PIP5K1C: variants seen among roughly 807,000 people sequenced by gnomAD.
PIP5K1C encodes the protein phosphatidylinositol-4-phosphate 5-kinase type 1 gamma, also known as phosphatidylinositol 4-phosphate 5-kinase type-1 gamma.
PIP5K1C carries 45 observed loss-of-function variants against 80.1 expected under a neutral mutation model. The observed-to-expected ratio is 0.56, with a 90% CI of 0.44 to 0.72. PIP5K1C has a LOEUF of 0.72. PIP5K1C is among the 30% of genes least tolerant of loss of function. The probability of loss-of-function intolerance (pLI) is 0.00; values close to 1 mark genes in which losing one functional copy is unlikely to be tolerated. For synonymous variants in PIP5K1C, 498 were observed against 420.1 expected (o/e 1.19, Z -2.27); for missense variants, 753 against 954.6 (o/e 0.79, Z 2.78).
rs1344356879 is a variant in PIP5K1C at position 3,692,817 on chromosome 19, C to T, written c.94+7480G>A. 1.3e-5 allele frequency among the ~76,000 whole-genome samples: 2 copies of T among 152,072 alleles called. No individual in the cohort carries two copies. Among genetic ancestry groups the T allele is most frequent in the South Asian group, 2.1e-4 (1 of 4,828 alleles). ...CCACAAGGCCCTGCACACCCTGCCC[C>T]GTCCCCTCCCTGCCCTCCCCTCCTC... On this transcript the variant is annotated intron_variant, in intron 1 of 17. Transcript: ENST00000335312. This position sits in a 1 kb window ranked among gnomAD's most constrained non-coding sequence, Gnocchi z 5.2.
rs528568201 is a variant in PIP5K1C at position 3,682,769 on chromosome 19, G to A, written c.95-15416C>T. Among the ~76,000 whole-genome samples, 829 of 152,278 alleles carry A rather than the reference G, an allele frequency of 5.4e-3. 12 individuals are homozygous for A. Among genetic ancestry groups the A allele is most frequent in the African/African-American group, 0.019 (792 of 41,552 alleles). Reference sequence around the variant, plus strand: ...CTCCAGCCCCAGTTGAGCCTTCAGAGGAGGCAGTCCCGGCTGACAGCTTCA... The same window carrying A: ...CTCCAGCCCCAGTTGAGCCTTCAGAAGAGGCAGTCCCGGCTGACAGCTTCA... On this transcript the variant is annotated intron_variant, in intron 1 of 17. Coordinates refer to ENST00000335312, the MANE Select transcript of PIP5K1C (RefSeq NM_012398.3).
rs34804561 is a variant in PIP5K1C at position 3,631,634 on chromosome 19, AGT to A, written c.*1531_*1532del. On this transcript the variant is annotated 3_prime_UTR_variant, in exon 18 of 18. Coordinates refer to ENST00000335312, the MANE Select transcript of PIP5K1C (RefSeq NM_012398.3). ...CAGAGTGGAGGGGCTGCTCTCGTGG[AGT>A]GTGTGTCCTCGCTGGGGACCTCGGG... is the stretch of plus-strand genomic sequence containing the variant. 3,483 of 152,314 alleles carry A rather than the reference AGT, an allele frequency of 0.023. 66 individuals are homozygous for A. The highest frequency in any genetic ancestry group is 0.035 in the Non-Finnish European group (2,393 of 68,092). 9.4% of individuals were successfully genotyped at this position (152,314 alleles called of 1,614,324 possible).
intron 15 of PIP5K1C, among the ~76,000 whole-genome samples, chr19:3,640,645 A>G (rs2033921496): frequency 6.6e-6 from 1 of 151,972 alleles, no homozygotes; most frequent in African/African-American, 2.4e-5. Context: ...CAATAAAATT[A>G]ATCCCAGTAC....
intron 8 of PIP5K1C, among the ~76,000 whole-genome samples, chr19:3,649,016 C>T (rs2034353470): frequency 6.6e-6 from 1 of 152,162 alleles, no homozygotes; most frequent in South Asian, 2.1e-4. Context: ...CAGGTAGGGC[C>T]ACGGGGTCTC....
At chr19:3,659,067 G>T (rs1292645754) in intron 5 of PIP5K1C, among the ~76,000 whole-genome samples, 1 of 152,128 alleles carries the variant, frequency 6.6e-6, no homozygotes, top group Non-Finnish European at 1.5e-5. Flanking sequence ...GGCCTTCCTG[G>T]AGCTACCCCC....
rs190814146 is a variant in PIP5K1C, at chr19:3,691,558, T to A, written c.94+8739A>T. Among the ~76,000 whole-genome samples the A allele has an allele frequency of 2.1e-5, 3 of 142,982 alleles. No individual in the cohort carries two copies. The East Asian group carries it at 6.5e-4, about 31-fold the overall frequency. 93.8% of individuals were successfully genotyped at this position (142,982 alleles called of 152,430 possible). On this transcript the variant is annotated intron_variant, in intron 1 of 17. Coordinates refer to ENST00000335312, the MANE Select transcript of PIP5K1C (RefSeq NM_012398.3). ...GCCAAGAGCCGCAAACAGTCGGGAG[T>A]CAAACCAGCCCATCCTAGGCACACC...
At chr19:3,634,196 C>A (rs2033578273) in intron 16 of PIP5K1C, among the ~76,000 whole-genome samples, 1 of 150,566 alleles carries the variant, frequency 6.6e-6, no homozygotes, top group Admixed American at 6.6e-5. Flanking sequence ...CTCTTCCCAG[C>A]TGTGCCTGCG....
At chr19:3,689,851 C>A (rs1438340128) in intron 1 of PIP5K1C, among the ~76,000 whole-genome samples, 2 of 152,088 alleles carry the variant, frequency 1.3e-5, no homozygotes, top group African/African-American at 2.4e-5. Context: ...TCCCCCCCCA[C>A]ACACAGAATG....
At chr19:3,659,595 A>G (rs1193606601) in intron 5 of PIP5K1C, among the ~76,000 whole-genome samples, 1 of 151,624 alleles carries the variant, frequency 6.6e-6, no homozygotes, top group Admixed American at 6.6e-5. Flanking sequence ...CTGTGTTTTC[A>G]CTCCCCACTG....
In PIP5K1C at chr19:3,641,645, T is replaced by C; in HGVS notation, c.1787+60A>G. ...TTCATGATGAAACCTCGGGGTGCTCTTGGCTCCTCTGGGCCCGCAGCAGGT... is the reference window on the plus strand; with the variant it reads ...TTCATGATGAAACCTCGGGGTGCTCCTGGCTCCTCTGGGCCCGCAGCAGGT... On this transcript the variant is annotated intron_variant, in intron 15 of 17. Transcript: ENST00000335312. 1.2e-5 allele frequency: 15 copies of C among 1,281,420 alleles called. No individual in the cohort carries two copies. In the South Asian group the frequency reaches 1.8e-4, roughly 15 times the overall value. 79.4% of individuals were successfully genotyped at this position (1,281,420 alleles called of 1,614,324 possible). A position where few individuals can be genotyped will look rare whatever the true frequency, so the allele number is the denominator to read the frequency against.
In PIP5K1C at chr19:3,688,765, C is replaced by T. The variant is rs1300626329; in HGVS notation, c.94+11532G>A. Among the ~76,000 whole-genome samples, 2 of 151,420 alleles carry T rather than the reference C, an allele frequency of 1.3e-5. No homozygotes were observed. Among genetic ancestry groups the T allele is most frequent in the Admixed American group, 6.6e-5 (1 of 15,174 alleles). ...GAGAGAGAGGAGAGTGGGGGGAGAA[C>T]GAGAGCGAGAGACACACCGAGCTGG... is the stretch of plus-strand genomic sequence containing the variant. On this transcript the variant is annotated intron_variant, in intron 1 of 17. Transcript: ENST00000335312. This position sits in a 1 kb window ranked among gnomAD's most constrained non-coding sequence, Gnocchi z 5.3.
At position 3,632,986 on chromosome 19, in the gene PIP5K1C, C is replaced by T. The variant is rs772624639; in HGVS notation, c.*181G>A. On this transcript the variant is annotated 3_prime_UTR_variant, in exon 18 of 18. Coordinates refer to ENST00000335312, the MANE Select transcript of PIP5K1C (RefSeq NM_012398.3). ...CAGGCTGCCGACCGGGGTGCCGGGG[C>T]CCTGGGAGGCTTGTCGGGGAGGGGC... 3.8e-6 allele frequency: 2 copies of T among 532,090 alleles called. No individual in the cohort carries two copies. The highest frequency in any genetic ancestry group is 3.3e-5 in the Admixed American group (1 of 30,116). The allele number at this position is 532,090 out of a possible 1,614,324, so 33.0% of individuals were successfully genotyped here.
Position 3,632,575 on chromosome 19 carries a change from G to A in PIP5K1C, c.*592C>T, listed in dbSNP as rs922058251. The A allele has an allele frequency of 2.0e-5, 3 of 152,436 alleles. No homozygotes were observed. Among genetic ancestry groups the A allele is most frequent in the African/African-American group, 7.2e-5 (3 of 41,472 alleles). 9.4% of individuals were successfully genotyped at this position (152,436 alleles called of 1,614,324 possible). ...TGCTGAGTGGCCGCAGTGCTTGGCA[G>A]GGCGAGGGCTGTCCCCACAGTCGAT... On this transcript the variant is annotated 3_prime_UTR_variant, in exon 18 of 18. Coordinates refer to ENST00000335312, the MANE Select transcript of PIP5K1C (RefSeq NM_012398.3).
chr19:3,671,273 C>T (rs933462518), intron 1 of PIP5K1C, among the ~76,000 whole-genome samples: 8 of 152,236 alleles, frequency 5.3e-5, no homozygotes, highest in African/African-American at 1.7e-4. Flanking sequence ...GAGGTCACAG[C>T]GCTTGGGTCC....
At chr19:3,689,408 T>C (rs1010602464) in intron 1 of PIP5K1C, among the ~76,000 whole-genome samples, 1 of 151,900 alleles carries the variant, frequency 6.6e-6, no homozygotes, top group African/African-American at 2.4e-5. Flanking sequence ...CCCAGCACTT[T>C]GGGAGGCTGA....
chr19:3,698,931 C>A, intron 1 of PIP5K1C, among the ~76,000 whole-genome samples: 1 of 113,864 alleles, frequency 8.8e-6, no homozygotes, highest in African/African-American at 3.3e-5. Flanking sequence ...CCCTCCCCGG[C>A]CCCCCACCCC....
At chr19:3,634,639 G>A (rs1281723453) in intron 16 of PIP5K1C, among the ~76,000 whole-genome samples, 2 of 152,222 alleles carry the variant, frequency 1.3e-5, no homozygotes, top group Non-Finnish European at 1.5e-5. Flanking sequence ...GCCAACCCAT[G>A]CCTCTGCCAG....
chr19:3,671,952 G>A (rs578260178), intron 1 of PIP5K1C, among the ~76,000 whole-genome samples: 13 of 152,358 alleles, frequency 8.5e-5, no homozygotes, highest in African/African-American at 3.1e-4. Flanking sequence ...GAGGAAAGGC[G>A]AGCCGCGCTG....
At chr19:3,659,427 A>G (rs1454866075) in intron 5 of PIP5K1C, among the ~76,000 whole-genome samples, 1 of 152,174 alleles carries the variant, frequency 6.6e-6, no homozygotes, top group Non-Finnish European at 1.5e-5. Context: ...TCTAGGTGAG[A>G]CCCAGATGGC....
Sources: gnomAD v4.1 joint callset for allele counts (sites outside exome capture counted in the v4.1 genomes callset) on GRCh38, gnomAD v4.1.1 for gene constraint, Gnocchi (gnomAD v3.1) non-coding constraint, MANE v1.5 for transcripts, NCBI Gene and HGNC (gene_info 2026-07-23, HGNC 2026-07-21) for gene names.